The following ZFHX3 variants were observed in gnomAD, a reference collection of about 807,000 sequenced individuals.
The protein encoded by ZFHX3 is zinc finger homeobox protein 3.
ZFHX3 carries 42 observed loss-of-function variants against 279.1 expected under a neutral mutation model. That is an observed-to-expected ratio of 0.15 (90% CI 0.12 to 0.19). The LOEUF is 0.19. Ranked by LOEUF, ZFHX3 falls within the 10% of genes least tolerant of loss-of-function variation. ZFHX3 has a pLI of 1.00. For missense variants in ZFHX3, 4,981 were observed against 4,754.0 expected, an observed-to-expected ratio of 1.05 and a Z score of -1.40; for synonymous variants, 2,293 against 1,957.8, an observed-to-expected ratio of 1.17 and a Z score of -4.52.
intron 1 of ZFHX3, among the ~76,000 whole-genome samples, chr16:73,838,156 G>T (rs1016868156): frequency 6.6e-6 from 1 of 152,208 alleles, no homozygotes; most frequent in Non-Finnish European, 1.5e-5. Flanking sequence ...TTTGGTAAAT[G>T]ACTACTGTAT....
chr16:73,763,336 C>T (rs942140836), intron 1 of ZFHX3, among the ~76,000 whole-genome samples: 1 of 152,164 alleles, frequency 6.6e-6, no homozygotes, highest in African/African-American at 2.4e-5. Context: ...AACTAATGGG[C>T]TTGAGTGAGG....
At chr16:73,809,514 C>T (rs1960372042) in intron 1 of ZFHX3, 1 of 152,224 alleles carries the variant, frequency 6.6e-6, no homozygotes, top group Non-Finnish European at 1.5e-5. Context: ...GATTTATGAG[C>T]TCCTGTCTGT....
At chr16:73,169,860 G>T (rs944669852) in intron 5 of ZFHX3, among the ~76,000 whole-genome samples, 3 of 151,996 alleles carry the variant, frequency 2.0e-5, no homozygotes, top group Non-Finnish European at 4.4e-5. Context: ...CTTGAGGGGG[G>T]CTTTCTCTGA....
At chr16:73,437,313 C>A (rs2018014922) in intron 3 of ZFHX3, among the ~76,000 whole-genome samples, 3 of 152,126 alleles carry the variant, frequency 2.0e-5, no homozygotes, top group Non-Finnish European at 4.4e-5. Context: ...GCTCAGTTCC[C>A]TTTTTGGTGT....
intron 1 of ZFHX3, among the ~76,000 whole-genome samples, chr16:73,708,082 G>GC (rs1035660709): frequency 2.0e-5 from 3 of 150,968 alleles, no homozygotes; most frequent in Non-Finnish European, 3.0e-5. Flanking sequence ...GGTGTGGTGG[G>GC]GGGGGGAAGT....
At chr16:73,109,826 G>T (rs1446040853) in intron 7 of ZFHX3, among the ~76,000 whole-genome samples, 1 of 150,158 alleles carries the variant, frequency 6.7e-6, no homozygotes, top group Non-Finnish European at 1.5e-5. Context: ...TCCAGACTGG[G>T]CAACAGAGCG....
At chr16:73,100,688 C>A (rs965978312) in intron 7 of ZFHX3, among the ~76,000 whole-genome samples, 17 of 152,050 alleles carry the variant, frequency 1.1e-4, no homozygotes, top group African/African-American at 2.9e-4. Context: ...ATTTCCACCT[C>A]CCAGGTTCAA....
At chr16:73,292,645 T>C (rs539046124) in intron 4 of ZFHX3, among the ~76,000 whole-genome samples, 35 of 152,258 alleles carry the variant, frequency 2.3e-4, no homozygotes, top group African/African-American at 8.2e-4. Flanking sequence ...GCCCAGCTCT[T>C]CCCTTGGTGC....
chr16:72,793,553 G>T lies in ZFHX3; in HGVS notation c.9129C>A (p.Ile3043=), dbSNP rs968672743. The T allele has an allele frequency of 1.9e-6, 3 of 1,614,108 alleles. No individual in the cohort carries two copies. Among genetic ancestry groups the T allele is most frequent in the Non-Finnish European group, 2.5e-6 (3 of 1,180,056 alleles). Reference sequence around the variant, plus strand: ...CTTTGGAGATATGCTGTTGGGAAAAGATATGGTCACGTACAGACAGCCGAG... The same window carrying T: ...CTTTGGAGATATGCTGTTGGGAAAATATATGGTCACGTACAGACAGCCGAG... ...YSARLSVRDH[I]FSQQHISKVK... is the part of the protein sequence containing the mutation. Residue 3043 remains isoleucine, a synonymous_variant, in exon 9 of 10, where the codon ATC becomes ATA. Coordinates refer to ENST00000268489, the MANE Select transcript of ZFHX3 (RefSeq NM_006885.4). The surrounding 1 kb of genome is among the most constrained non-coding windows in gnomAD (Gnocchi z 4.3).
At chr16:73,102,852 C>T (rs765936099) in intron 7 of ZFHX3, among the ~76,000 whole-genome samples, 13 of 152,192 alleles carry the variant, frequency 8.5e-5, no homozygotes, top group Non-Finnish European at 1.9e-4. Context: ...AAGTACTTAA[C>T]GTGGTTCCTG....
chr16:73,341,727 A>G lies in ZFHX3; in HGVS notation c.-1290-23391T>C, dbSNP rs76980542. Among the ~76,000 whole-genome samples the G allele has an allele frequency of 7.4e-3, 1,124 of 152,364 alleles. 12 individuals carry two copies. Among genetic ancestry groups the G allele is most frequent in the African/African-American group, 0.025 (1,046 of 41,590 alleles). ...GATAAATGGATAAACAAGAGATGGT[A>G]TATATACACAATGGAATACTATTGG... On this transcript the variant is annotated intron_variant, in intron 3 of 17. Transcript: ENST00000641206.
At chr16:73,557,875 C>A (rs1203182554) in intron 2 of ZFHX3, among the ~76,000 whole-genome samples, 3 of 152,240 alleles carry the variant, frequency 2.0e-5, no homozygotes, top group Middle Eastern at 3.4e-3. Context: ...ACCTGTGACA[C>A]TTGGATGGGC....
chr16:73,867,088 G>C (rs1258936063), intron 1 of ZFHX3, among the ~76,000 whole-genome samples: 3 of 152,228 alleles, frequency 2.0e-5, no homozygotes, highest in East Asian at 3.9e-4. Context: ...AGAGGCTGTA[G>C]ACAGCCTGGA....
Position 73,654,338 on chromosome 16 carries a change from G to A in ZFHX3, c.-1547+25842C>T, listed in dbSNP as rs565787931. Among the ~76,000 whole-genome samples, 9 of 152,050 alleles carry A rather than the reference G, an allele frequency of 5.9e-5. No homozygotes were observed. The South Asian group carries it at 1.0e-3, about 18-fold the overall frequency. On this transcript the variant is annotated intron_variant, in intron 2 of 17. Coordinates refer to the ZFHX3 transcript ENST00000641206. ...TTGAAATGATACTCAAAAATTTTCCGACAAATAGAAGTTCAGGTTCAGATA... is the reference window on the plus strand; with the variant it reads ...TTGAAATGATACTCAAAAATTTTCCAACAAATAGAAGTTCAGGTTCAGATA...
intron 5 of ZFHX3, among the ~76,000 whole-genome samples, chr16:73,188,289 G>A (rs901655188): frequency 6.6e-6 from 1 of 151,616 alleles, no homozygotes; most frequent in African/African-American, 2.4e-5. Flanking sequence ...CTAACTCCTG[G>A]GCTGCAGCGA....
chr16:73,428,974 C>T (rs1166540471), intron 3 of ZFHX3, among the ~76,000 whole-genome samples: 2 of 152,168 alleles, frequency 1.3e-5, no homozygotes, highest in Non-Finnish European at 2.9e-5. Flanking sequence ...CACGAGGCCA[C>T]CAAAGTCATA....
intron 5 of ZFHX3, among the ~76,000 whole-genome samples, chr16:73,182,303 A>G (rs547104626): frequency 6.6e-6 from 1 of 152,286 alleles, no homozygotes; most frequent in Admixed American, 6.5e-5. Context: ...CTAAAAATAC[A>G]AAACTTAGCT....
intron 2 of ZFHX3, among the ~76,000 whole-genome samples, chr16:73,582,654 T>G (rs1040163766): frequency 6.6e-6 from 1 of 151,906 alleles, no homozygotes; most frequent in South Asian, 2.1e-4. Context: ...TTTTGTATTT[T>G]TTCAGAAGAG....
Position 72,794,431 on chromosome 16 carries a change from G to A in ZFHX3, c.8251C>T (p.Leu2751Phe). 6.2e-7 allele frequency: 1 copy of A among 1,613,714 alleles called. No homozygotes were observed. Among genetic ancestry groups the A allele is most frequent in the East Asian group, 2.2e-5 (1 of 44,864 alleles). ...AGYNLTLSAM[L>F]LDCDGGLQMK... ...TGGAGTCCCCCATCACAGTCTAAGAGCATCGCAGACAGAGTTAGGTTGTAG... is the reference window on the plus strand; with the variant it reads ...TGGAGTCCCCCATCACAGTCTAAGAACATCGCAGACAGAGTTAGGTTGTAG... The change falls in exon 9 of 10, where the codon CTC (leucine) becomes TTC (phenylalanine). Residue 2751 changes from leucine to phenylalanine, a missense_variant. By Grantham distance (22) the Leu-to-Phe change is conservative. Around this residue, in one of 7 missense-constraint regions of ZFHX3, gnomAD observed 744 missense variants for 701.3 expected, o/e 1.06. Coordinates refer to ENST00000268489, the MANE Select transcript of ZFHX3 (RefSeq NM_006885.4). The surrounding 1 kb of genome is among the most constrained non-coding windows in gnomAD (Gnocchi z 4.2).
Sources: gnomAD v4.1 joint callset for allele counts (sites outside exome capture counted in the v4.1 genomes callset) on GRCh38, gnomAD v4.1.1 for gene constraint, gnomAD v4.1.1 regional missense constraint, Gnocchi (gnomAD v3.1) non-coding constraint, MANE v1.5 for transcripts, NCBI Gene and HGNC (gene_info 2026-07-23, HGNC 2026-07-21) for gene names.